Variants in IFT22 observed in about 807,000 individuals in gnomAD.
IFT22 encodes the protein intraflagellar transport protein 22 homolog.
Under a neutral mutation model 21.0 loss-of-function variants are expected in IFT22, and 13 were observed. That is an observed-to-expected ratio of 0.62 (90% confidence interval 0.40 to 0.98). The LOEUF is 0.98. IFT22 is among the 50% of genes least tolerant of loss of function. The pLI, the probability that IFT22 is intolerant of heterozygous loss-of-function variation, is 0.00. For missense variants in IFT22, 227 were observed against 228.9 expected (o/e 0.99, Z 0.06); for synonymous variants, 67 against 82.4 (o/e 0.81, Z 1.01).
intron 1 of IFT22, among the ~76,000 whole-genome samples, chr7:101,319,804 C>G (rs1252921316): frequency 6.6e-6 from 1 of 151,474 alleles, no homozygotes; most frequent in African/African-American, 2.4e-5. Flanking sequence ...ATCACCATGC[C>G]CAGCTAATTT....
At position 101,310,922 on chromosome 7, in the gene IFT22, T is replaced by A; in HGVS notation, c.*4212A>T. 2 of 396,248 alleles carry A rather than the reference T, an allele frequency of 5.0e-6. No individual in the cohort carries two copies. Among genetic ancestry groups the A allele is most frequent in the South Asian group, 3.6e-5 (2 of 55,350 alleles). 24.5% of individuals were successfully genotyped at this position (396,248 alleles called of 1,614,324 possible). A position where few individuals can be genotyped will look rare whatever the true frequency, so the allele number is the denominator to read the frequency against. On this transcript the variant is annotated 3_prime_UTR_variant, in exon 5 of 5. Coordinates refer to ENST00000315322, the MANE Select transcript of IFT22 (RefSeq NM_022777.4). Reference sequence around the variant, plus strand: ...TCTCAAAACTTAAAATCTGAAGGCTTTTACTCAATTCAAATATTTAATGGG... The same window carrying A: ...TCTCAAAACTTAAAATCTGAAGGCTATTACTCAATTCAAATATTTAATGGG...
At position 101,311,998 on chromosome 7, in the gene IFT22, A is replaced by G. The variant is rs1375305546; in HGVS notation, c.*3136T>C. ...CAACACAAAAAAATCTCCTAAGATG[A>G]TTAAAACAAACTTGCTTCTACAATA... is the stretch of plus-strand genomic sequence containing the variant. On this transcript the variant is annotated 3_prime_UTR_variant, in exon 5 of 5. Transcript: ENST00000315322. Among the ~76,000 whole-genome samples the G allele has an allele frequency of 6.6e-6, 1 of 152,202 alleles. No individual in the cohort carries two copies. The highest frequency in any genetic ancestry group is 1.5e-5 in the Non-Finnish European group (1 of 68,036).
chr7:101,321,356 T>C (rs1191807379), intron 1 of IFT22: 2 of 401,548 alleles, frequency 5.0e-6, no homozygotes, highest in East Asian at 1.0e-4. Context: ...ACGCATTCAT[T>C]AGGGGGATCC....
At position 101,312,533 on chromosome 7, in the gene IFT22, GTT is replaced by G. The variant is rs386410832; in HGVS notation, c.*2599_*2600del. ...TAAATATAATGTTTTGGAGAGAGTTGTTTTTTTTTTTTTTTTTTTTGTGACGG... is the reference window on the plus strand; with the variant it reads ...TAAATATAATGTTTTGGAGAGAGTTGTTTTTTTTTTTTTTTTTTGTGACGG... On this transcript the variant is annotated 3_prime_UTR_variant, in exon 5 of 5. Transcript: ENST00000315322. Among the ~76,000 whole-genome samples, 340 of 114,576 alleles carry G rather than the reference GTT, an allele frequency of 3.0e-3. No individual in the cohort carries two copies. The highest frequency in any genetic ancestry group is 1.0e-2 in the African/African-American group (305 of 30,620). 75.2% of individuals were successfully genotyped at this position (114,576 alleles called of 152,430 possible). A position where few individuals can be genotyped will look rare whatever the true frequency, so the allele number is the denominator to read the frequency against.
chr7:101,318,992 G>C lies in IFT22; in HGVS notation c.80C>G (p.Ser27Cys), dbSNP rs1243921626. The C allele has an allele frequency of 1.2e-6, 2 of 1,614,040 alleles. No individual in the cohort carries two copies. Among genetic ancestry groups the C allele is most frequent in the African/African-American group, 2.7e-5 (2 of 75,040 alleles). The change falls in exon 2 of 5, where the codon TCT (serine) becomes TGT (cysteine). Residue 27 changes from serine (S) to cysteine (C), a missense_variant. Coordinates refer to ENST00000315322, the MANE Select transcript of IFT22 (RefSeq NM_022777.4). ...GGTTGGGCTGTATTCAGTGATGTCA[G>C]AAGATTCTGTCAGAAAGTTGGCCAA... ...TVLANFLTES[S>C]DITEYSPTQG...
At chr7:101,316,658 C>T in intron 3 of IFT22, 116 bp from the exon 4 acceptor site, 2 of 967,756 alleles carry the variant, frequency 2.1e-6, no homozygotes, top group East Asian at 2.6e-5. Context: ...GGCGTGGTGG[C>T]TCACACCTGT....
chr7:101,318,946 C>A lies in IFT22; in HGVS notation c.116+10G>T. On this transcript the variant is annotated intron_variant, in intron 2 of 4. Coordinates refer to ENST00000315322, the MANE Select transcript of IFT22 (RefSeq NM_022777.4). ...TGGACACTCTGGGACACAGATTTGT[C>A]AGGGCTCACCTCACTCCTTGGGTTG... is the stretch of plus-strand genomic sequence containing the variant. 1 of 1,607,696 alleles carries A rather than the reference C, an allele frequency of 6.2e-7. No homozygotes were observed. Among genetic ancestry groups the A allele is most frequent in the South Asian group, 1.1e-5 (1 of 90,920 alleles).
At chr7:101,316,783 G>T (rs947137398) in intron 3 of IFT22, among the ~76,000 whole-genome samples, 2 of 152,082 alleles carry the variant, frequency 1.3e-5, no homozygotes, top group South Asian at 2.1e-4. Flanking sequence ...AGTTAGGGGA[G>T]TGTGGTTGTG....
At chr7:101,318,461 A>C in intron 2 of IFT22, 1 of 364,306 alleles carries the variant, frequency 2.7e-6, no homozygotes. Context: ...CGGAGATTGC[A>C]GTGAGCTGAG....
chr7:101,318,540 A>G (rs1790233708), intron 2 of IFT22: 1 of 277,738 alleles, frequency 3.6e-6, no homozygotes, highest in South Asian at 5.1e-5. Flanking sequence ...GACGAACAGT[A>G]GCAGCACCAA....
chr7:101,316,477 T>A lies in IFT22; in HGVS notation c.272A>T (p.Asp91Val). ...AHGVVIVFNA[D>V]IPSHRKEMEM... ...CATTTCCTTCCGGTGGCTTGGGATG[T>A]CAGCATTGAAGACGATCACCACTCC... Residue 91 changes from aspartate (D) to valine (V), a missense_variant, in exon 4 of 5, where the codon GAC becomes GTC. By Grantham distance (152) the Asp-to-Val change is radical. Transcript: ENST00000315322. 6.2e-7 allele frequency: 1 copy of A among 1,614,104 alleles called. No individual in the cohort carries two copies. Among genetic ancestry groups the A allele is most frequent in the South Asian group, 1.1e-5 (1 of 91,078 alleles).
chr7:101,315,416 C>T, intron 4 of IFT22, 134 bp from the exon 5 acceptor site: 1 of 957,832 alleles, frequency 1.0e-6, no homozygotes. Context: ...CACCAGAGAA[C>T]AGAGAATGGG....
At chr7:101,316,633 G>A in intron 3 of IFT22, 91 bp from the exon 4 acceptor site, 1 of 1,335,752 alleles carries the variant, frequency 7.5e-7, no homozygotes, top group Non-Finnish European at 1.0e-6. Context: ...ATTAAAAGTT[G>A]GTCTATGACG....
In IFT22 at chr7:101,318,209, G is replaced by T. The variant is rs781492125; in HGVS notation, c.121C>A (p.Leu41Ile). 1 of 1,612,456 alleles carries T rather than the reference G, an allele frequency of 6.2e-7. No homozygotes were observed. The highest frequency in any genetic ancestry group is 1.7e-5 in the Admixed American group (1 of 59,964). ...EYSPTQGVRI[L>I]EFENPHVTSN... ...GTAACATGCGGGTTCTCAAATTCTA[G>T]GATCCTAAAAGGAAAAAGAAGAGCA... Residue 41 changes from leucine (L) to isoleucine (I), a missense_variant, in exon 3 of 5, where the codon CTA (leucine) becomes ATA (isoleucine). Leu to Ile is a conservative substitution (Grantham distance 5, BLOSUM62 2). Coordinates refer to ENST00000315322, the MANE Select transcript of IFT22 (RefSeq NM_022777.4).
intron 1 of IFT22, among the ~76,000 whole-genome samples, chr7:101,320,416 C>T (rs1790301639): frequency 1.3e-5 from 2 of 151,780 alleles, no homozygotes; most frequent in Non-Finnish European, 2.9e-5. Flanking sequence ...CCCGCCACCA[C>T]GCCCGGCTAA....
intron 2 of IFT22, 38 bp downstream of exon 2, chr7:101,318,918 A>G (rs1177607841): frequency 6.5e-7 from 1 of 1,531,260 alleles, no homozygotes; most frequent in African/African-American, 1.4e-5. Context: ...CTGCCGAGCC[A>G]GTTGGACACT....
chr7:101,317,834 C>G (rs1029766858), intron 3 of IFT22, among the ~76,000 whole-genome samples: 2 of 152,036 alleles, frequency 1.3e-5, no homozygotes, highest in Non-Finnish European at 2.9e-5. Flanking sequence ...TCCGCTTGAA[C>G]CTCCAGGGTT....
rs1227211726 is a variant in IFT22 at position 101,311,663 on chromosome 7, T to C, written c.*3471A>G. On this transcript the variant is annotated 3_prime_UTR_variant, in exon 5 of 5. Coordinates refer to ENST00000315322, the MANE Select transcript of IFT22 (RefSeq NM_022777.4). ...TACATCTACCATTTCATCTACTTAG[T>C]GTATTTTCTTATTGGCTATGTTAAA... is the stretch of plus-strand genomic sequence containing the variant. Among the ~76,000 whole-genome samples, 3 of 152,250 alleles carry C rather than the reference T, an allele frequency of 2.0e-5. No homozygotes were observed. The highest frequency in any genetic ancestry group is 7.2e-5 in the African/African-American group (3 of 41,462).
chr7:101,314,341 G>GA lies in IFT22; in HGVS notation c.*792dup, dbSNP rs1790072881. The GA allele has an allele frequency of 6.6e-6, 1 of 151,886 alleles. No individual in the cohort carries two copies. The highest frequency in any genetic ancestry group is 1.5e-5 in the Non-Finnish European group (1 of 68,028). The allele number at this position is 151,886 out of a possible 1,614,324, so 9.4% of individuals were successfully genotyped here. On this transcript the variant is annotated 3_prime_UTR_variant, in exon 5 of 5. Transcript: ENST00000315322. ...CCAGCTGATTTTTCTATTTTTAGTA[G>GA]AGATGGGGTTTCACCACGTTGGTCA...
Sources: gnomAD v4.1 joint callset for allele counts (sites outside exome capture counted in the v4.1 genomes callset) on GRCh38, gnomAD v4.1.1 for gene constraint, MANE v1.5 for transcripts, NCBI Gene and HGNC (gene_info 2026-07-23, HGNC 2026-07-21) for gene names.